LRCH3: variants seen among roughly 807,000 people sequenced by gnomAD.
LRCH3 encodes leucine rich repeats and calponin homology domain containing 3.
LRCH3 carries 68 observed loss-of-function variants against 104.5 expected under a neutral mutation model. That is an observed-to-expected ratio of 0.65 (90% CI 0.54 to 0.80). The LOEUF (loss-of-function observed/expected upper bound fraction) is 0.80. Ranked by LOEUF, LRCH3 falls within the 30% of genes least tolerant of loss-of-function variation. The probability of loss-of-function intolerance (pLI) is 0.00; values close to 1 mark genes in which losing one functional copy is unlikely to be tolerated. For missense variants in LRCH3, 951 were observed against 953.9 expected (o/e 1.00, Z 0.04); for synonymous variants, 344 against 361.3 (o/e 0.95, Z 0.54).
intron 2 of LRCH3, among the ~76,000 whole-genome samples, chr3:197,815,971 G>A (rs948084276): frequency 6.6e-6 from 1 of 151,960 alleles, no homozygotes; most frequent in African/African-American, 2.4e-5. Flanking sequence ...AACTATTTTT[G>A]TATGTAATTA....
chr3:197,800,961 G>C (rs1354950712), intron 1 of LRCH3, among the ~76,000 whole-genome samples: 1 of 152,038 alleles, frequency 6.6e-6, no homozygotes, highest in Non-Finnish European at 1.5e-5. Flanking sequence ...CGGGTGTGGT[G>C]GCGGGCGCCT....
chr3:197,867,759 G>T (rs936963396), intron 17 of LRCH3, among the ~76,000 whole-genome samples: 1 of 152,092 alleles, frequency 6.6e-6, no homozygotes, highest in Non-Finnish European at 1.5e-5. Flanking sequence ...GGAGGCTGAG[G>T]CAGGAGAATG....
chr3:197,837,671 T>A (rs959161959), intron 9 of LRCH3, among the ~76,000 whole-genome samples: 2 of 152,176 alleles, frequency 1.3e-5, no homozygotes, highest in African/African-American at 4.8e-5. Context: ...ATTTTTTTTT[T>A]AATTAAACCA....
chr3:197,871,508 G>GTTAAGCACAGTGGACAGACATTTC, intron 19 of LRCH3, 46 bp downstream of exon 19: 1 of 1,605,112 alleles, frequency 6.2e-7, no homozygotes, highest in Non-Finnish European at 8.5e-7. Context: ...TCAGACATTT[G>GTTAAGCACAGTGGACAGACATTTC]TTAAGCACAG....
At chr3:197,822,655 G>A (rs992322116) in intron 4 of LRCH3, among the ~76,000 whole-genome samples, 9 of 152,084 alleles carry the variant, frequency 5.9e-5, no homozygotes, top group Admixed American at 3.9e-4. Flanking sequence ...ACATTCGTTC[G>A]TGTGGAAGTT....
Position 197,854,168 on chromosome 3 carries a change from G to A in LRCH3, c.1591-224G>A, listed in dbSNP as rs1355842983. On this transcript the variant is annotated intron_variant, in intron 13 of 20. Transcript: ENST00000425562. This position sits in a 1 kb window ranked among gnomAD's most constrained non-coding sequence, Gnocchi z 4.5. ...TTGTAAGGTTTTAGGCAATAAGATC[G>A]TATTTGAAGTTGTTTAAACTCTGGG... Among the ~76,000 whole-genome samples, 3 of 152,058 alleles carry A rather than the reference G, an allele frequency of 2.0e-5. No individual in the cohort carries two copies. Among genetic ancestry groups the A allele is most frequent in the Non-Finnish European group, 4.4e-5 (3 of 67,998 alleles).
At chr3:197,870,076 C>G (rs1711953836) in intron 17 of LRCH3, 84 bp from the exon 18 acceptor site, 1 of 1,425,882 alleles carries the variant, frequency 7.0e-7, no homozygotes, top group Non-Finnish European at 9.7e-7. Context: ...ACTGCACTTG[C>G]AGGGAAACTG....
chr3:197,843,263 C>A (rs4021907), intron 10 of LRCH3, among the ~76,000 whole-genome samples: 86,999 of 151,930 alleles, frequency 0.57, 27,413 homozygotes, highest in African/African-American at 0.86. Context: ...TATATAGACA[C>A]AGCCAGAAAA....
chr3:197,865,281 C>A (rs536196847), intron 15 of LRCH3, 142 bp from the exon 16 acceptor site: 92 of 550,388 alleles, frequency 1.7e-4, no homozygotes, highest in Non-Finnish European at 2.6e-4. Flanking sequence ...AGCCACTGCA[C>A]CTGACCCAAA....
chr3:197,819,019 G>A (rs1734169491), intron 3 of LRCH3, among the ~76,000 whole-genome samples: 2 of 151,886 alleles, frequency 1.3e-5, no homozygotes, highest in African/African-American at 2.4e-5. Flanking sequence ...CCAGCAACTT[G>A]GGAGGCTGAG....
intron 20 of LRCH3, among the ~76,000 whole-genome samples, chr3:197,880,162 G>A (rs913164768): frequency 1.3e-5 from 2 of 151,594 alleles, no homozygotes; most frequent in African/African-American, 4.9e-5. Context: ...AGCCGGGATG[G>A]TCTCGATCTC....
chr3:197,856,677 G>A lies in LRCH3; in HGVS notation c.1645-2157G>A, dbSNP rs1408745083. ...GCTGAGATTACAGGCATGAGCCACC[G>A]TGCCCAGCTTGTTTATTCTTTTATT... On this transcript the variant is annotated intron_variant, in intron 14 of 20. Transcript: ENST00000425562. The surrounding 1 kb of genome is among the most constrained non-coding windows in gnomAD (Gnocchi z 4.2). Among the ~76,000 whole-genome samples, 4 of 152,002 alleles carry A rather than the reference G, an allele frequency of 2.6e-5. No homozygotes were observed. Among genetic ancestry groups the A allele is most frequent in the South Asian group, 4.1e-4 (2 of 4,820 alleles).
rs1228590359 is a variant in LRCH3 at position 197,886,227 on chromosome 3, C to T, written c.*2561C>T. On this transcript the variant is annotated 3_prime_UTR_variant, in exon 21 of 21. Coordinates refer to ENST00000425562, the MANE Select transcript of LRCH3 (RefSeq NM_001365715.1). ...AGGTGTGGTGGCACCTGCCTGTACT[C>T]CCAGCTACTCAGGAGGCTGGGGTGG... 6.6e-6 allele frequency: 1 copy of T among 151,760 alleles called. No homozygotes were observed. The highest frequency in any genetic ancestry group is 1.5e-5 in the Non-Finnish European group (1 of 68,048). 9.4% of individuals were successfully genotyped at this position (151,760 alleles called of 1,614,324 possible).
intron 20 of LRCH3, chr3:197,881,771 C>G (rs762869322): frequency 2.0e-6 from 2 of 985,250 alleles, no homozygotes; most frequent in Non-Finnish European, 2.4e-6. Context: ...AGGATGAACT[C>G]AAGTGTGAAG....
chr3:197,883,886 A>G lies in LRCH3; in HGVS notation c.*220A>G, dbSNP rs1713988174. ...ACGAAGACACCATTGGTTTTCTCAG[A>G]TGAAACTTCTCTTACTGAAAACCCA... On this transcript the variant is annotated 3_prime_UTR_variant, in exon 21 of 21. Transcript: ENST00000425562. The surrounding 1 kb of genome is among the most constrained non-coding windows in gnomAD (Gnocchi z 4.2). 3 of 467,436 alleles carry G rather than the reference A, an allele frequency of 6.4e-6. No homozygotes were observed. The highest frequency in any genetic ancestry group is 4.6e-5 in the South Asian group (1 of 21,518). The allele number at this position is 467,436 out of a possible 1,614,324, so 29.0% of individuals were successfully genotyped here. A position where few individuals can be genotyped will look rare whatever the true frequency, so the allele number is the denominator to read the frequency against.
intron 1 of LRCH3, among the ~76,000 whole-genome samples, chr3:197,811,958 C>T (rs1206988790): frequency 6.6e-6 from 1 of 152,168 alleles, no homozygotes; most frequent in East Asian, 1.9e-4. Context: ...AGGTACATGT[C>T]ACTAAGAAGA....
In LRCH3 at chr3:197,883,360, G is replaced by C. The variant is rs1425267624; in HGVS notation, c.2209-181G>C. On this transcript the variant is annotated intron_variant, in intron 20 of 20. Coordinates refer to ENST00000425562, the MANE Select transcript of LRCH3 (RefSeq NM_001365715.1). The surrounding 1 kb of genome is among the most constrained non-coding windows in gnomAD (Gnocchi z 4.2). ...TTTTAGTTGTATTAATAAAGTGACA[G>C]TGAGTGTCAGACACCATCTCTCTAA... 7.2e-7 allele frequency: 1 copy of C among 1,389,972 alleles called. No homozygotes were observed. Among genetic ancestry groups the C allele is most frequent in the Non-Finnish European group, 9.3e-7 (1 of 1,073,876 alleles). 86.1% of individuals were successfully genotyped at this position (1,389,972 alleles called of 1,614,324 possible). A position where few individuals can be genotyped will look rare whatever the true frequency, so the allele number is the denominator to read the frequency against.
At chr3:197,807,026 G>A (rs994674444) in intron 1 of LRCH3, among the ~76,000 whole-genome samples, 3 of 95,952 alleles carry the variant, frequency 3.1e-5, no homozygotes, top group Admixed American at 1.2e-4. Context: ...GCGACAGGGC[G>A]AGACCCTGTG....
intron 8 of LRCH3, among the ~76,000 whole-genome samples, chr3:197,832,683 T>TC (rs1377420065): frequency 1.3e-5 from 2 of 149,710 alleles, no homozygotes; most frequent in African/African-American, 5.0e-5. Flanking sequence ...AGGAATTTAG[T>TC]CCTTTTTTTT....
Sources: gnomAD v4.1 joint callset for allele counts (sites outside exome capture counted in the v4.1 genomes callset) on GRCh38, gnomAD v4.1.1 for gene constraint, Gnocchi (gnomAD v3.1) non-coding constraint, MANE v1.5 for transcripts, NCBI Gene and HGNC (gene_info 2026-07-23, HGNC 2026-07-21) for gene names.